CEP128: variants seen among roughly 807,000 people sequenced by gnomAD.
CEP128 encodes centrosomal protein 128.
In CEP128, 132 loss-of-function variants were observed where a neutral mutation model predicts 156.7. The observed-to-expected ratio is 0.84, with a 90% confidence interval of 0.73 to 0.97. The LOEUF (loss-of-function observed/expected upper bound fraction) is 0.97. CEP128 is among the 50% of genes least tolerant of loss of function. The probability of loss-of-function intolerance (pLI) is 0.00; values close to 1 mark genes in which losing one functional copy is unlikely to be tolerated. For missense variants in CEP128, 1,252 were observed against 1,281.9 expected, an observed-to-expected ratio of 0.98 and a Z score of 0.36; for synonymous variants, 469 against 448.9, an observed-to-expected ratio of 1.04 and a Z score of -0.57.
intron 19 of CEP128, among the ~76,000 whole-genome samples, chr14:80,738,712 AT>A (rs1166812891): frequency 2.0e-5 from 3 of 152,030 alleles, no homozygotes; most frequent in Non-Finnish European, 4.4e-5. Flanking sequence ...ATTAATTATT[AT>A]TAATGTTTTA....
intron 20 of CEP128, among the ~76,000 whole-genome samples, chr14:80,568,170 C>T (rs1890996086): frequency 6.6e-6 from 1 of 152,112 alleles, no homozygotes; most frequent in South Asian, 2.1e-4. Context: ...TCTAATGAGA[C>T]TCCCTGAGGC....
chr14:80,898,740 T>C (rs1269530440), intron 7 of CEP128, among the ~76,000 whole-genome samples: 1 of 152,112 alleles, frequency 6.6e-6, no homozygotes, highest in Non-Finnish European at 1.5e-5. Context: ...TAAAAAAAAA[T>C]AATAACCTAA....
chr14:80,810,081 T>C (rs774860668), intron 13 of CEP128, among the ~76,000 whole-genome samples: 40 of 151,794 alleles, frequency 2.6e-4, no homozygotes, highest in Admixed American at 4.6e-4. Context: ...CCCAGCACTT[T>C]GGGAGGCCAA....
chr14:80,717,635 T>C (rs1897656961), intron 19 of CEP128, among the ~76,000 whole-genome samples: 2 of 152,066 alleles, frequency 1.3e-5, no homozygotes, highest in South Asian at 4.1e-4. Flanking sequence ...CTTGAGATAT[T>C]TAGAGTACAC....
At chr14:80,489,267 T>TAAA (rs35135843), downstream of CEP128, among the ~76,000 whole-genome samples, 1 of 108,030 alleles carries the variant, frequency 9.3e-6, no homozygotes, top group Non-Finnish European at 1.9e-5. Context: ...TTGTAAAAGC[T>TAAA]AAAAAAAAAA....
Position 80,611,631 on chromosome 14 carries a change from A to G in CEP128, c.2807-31208T>C, listed in dbSNP as rs190031832. Among the ~76,000 whole-genome samples, 291 of 152,340 alleles carry G rather than the reference A, an allele frequency of 1.9e-3. 7 individuals are homozygous for G. The highest frequency in any genetic ancestry group is 6.3e-4 in the Non-Finnish European group (43 of 68,038). On this transcript the variant is annotated intron_variant, in intron 19 of 24. Coordinates refer to ENST00000555265, the MANE Select transcript of CEP128 (RefSeq NM_152446.5). ...GTATAGGAATGTGGATAGCAGTGTC[A>G]AAGCTACAGAGATCTTCTTAAATTT...
chr14:80,814,985 G>C (rs2139965901), intron 13 of CEP128, among the ~76,000 whole-genome samples: 1 of 152,326 alleles, frequency 6.6e-6, no homozygotes, highest in East Asian at 1.9e-4. Flanking sequence ...TTGAACCTGA[G>C]AGGCAGAGAT....
At chr14:80,927,072 G>A (rs1179139408) in intron 2 of CEP128, among the ~76,000 whole-genome samples, 1 of 152,172 alleles carries the variant, frequency 6.6e-6, no homozygotes, top group Admixed American at 6.5e-5. Context: ...CCAGAGTGCG[G>A]CAGCCCCACT....
intron 15 of CEP128, among the ~76,000 whole-genome samples, chr14:80,778,409 G>A (rs1900918823): frequency 6.6e-6 from 1 of 152,178 alleles, no homozygotes; most frequent in Admixed American, 6.5e-5. Context: ...TGCTAAGAGG[G>A]GAAGGAGTTA....
At chr14:80,847,381 A>C (rs1419770691) in intron 9 of CEP128, among the ~76,000 whole-genome samples, 2 of 152,142 alleles carry the variant, frequency 1.3e-5, no homozygotes, top group Non-Finnish European at 1.5e-5. Flanking sequence ...TGGTTCTCTC[A>C]CAGTCTTATA....
intron 19 of CEP128, among the ~76,000 whole-genome samples, chr14:80,716,172 C>T (rs1897596991): frequency 1.3e-5 from 2 of 152,052 alleles, no homozygotes; most frequent in African/African-American, 4.8e-5. Flanking sequence ...GCAAAGTGAA[C>T]CAAATAAATT....
At chr14:80,850,012 A>G (rs1254633189) in intron 9 of CEP128, among the ~76,000 whole-genome samples, 1 of 152,188 alleles carries the variant, frequency 6.6e-6, no homozygotes, top group Non-Finnish European at 1.5e-5. Context: ...ATATCAAATT[A>G]TAATCTGTTT....
chr14:80,605,318 T>C (rs375518961), intron 19 of CEP128, among the ~76,000 whole-genome samples: 1 of 152,066 alleles, frequency 6.6e-6, no homozygotes, highest in Non-Finnish European at 1.5e-5. Flanking sequence ...ATAACAATTA[T>C]CTCCCTAAAA....
At chr14:80,632,852 A>G (rs1312591658) in intron 19 of CEP128, among the ~76,000 whole-genome samples, 1 of 152,162 alleles carries the variant, frequency 6.6e-6, no homozygotes, top group African/African-American at 2.4e-5. Context: ...TTATTTTCCA[A>G]CATTCATGCA....
At chr14:80,508,126 G>A (rs1199067326) in intron 23 of CEP128, among the ~76,000 whole-genome samples, 1 of 152,082 alleles carries the variant, frequency 6.6e-6, no homozygotes, top group African/African-American at 2.4e-5. Flanking sequence ...ACGTTGACCA[G>A]GCTGGTCTCG....
At chr14:80,539,152 T>C (rs1889623039) in intron 21 of CEP128, among the ~76,000 whole-genome samples, 1 of 152,052 alleles carries the variant, frequency 6.6e-6, no homozygotes, top group African/African-American at 2.4e-5. Flanking sequence ...AAAAACTCTC[T>C]GTCCTCAGGA....
intron 19 of CEP128, among the ~76,000 whole-genome samples, chr14:80,728,495 T>C (rs1200738189): frequency 1.3e-5 from 2 of 151,996 alleles, no homozygotes; most frequent in East Asian, 1.9e-4. Context: ...AATCTGCACA[T>C]GTACCCCTGA....
intron 23 of CEP128, among the ~76,000 whole-genome samples, chr14:80,507,855 G>A (rs1888051835): frequency 6.6e-6 from 1 of 152,158 alleles, no homozygotes; most frequent in Non-Finnish European, 1.5e-5. Context: ...CTAAAAAAAA[G>A]TCAACTGGCA....
intron 20 of CEP128, among the ~76,000 whole-genome samples, chr14:80,573,044 T>C (rs557609842): frequency 6.6e-6 from 1 of 151,716 alleles, no homozygotes; most frequent in East Asian, 1.9e-4. Context: ...TGGCTCAGCC[T>C]CCCAAGTAGC....
Sources: allele counts gnomAD v4.1 joint callset (sites outside exome capture counted in the v4.1 genomes callset), GRCh38; gene constraint gnomAD v4.1.1; transcripts MANE v1.5; gene names NCBI Gene and HGNC (gene_info 2026-07-23, HGNC 2026-07-21).